MYO1E: variants seen among roughly 807,000 people sequenced by gnomAD.
The protein encoded by MYO1E is unconventional myosin-Ie.
Under a neutral mutation model 151.1 loss-of-function variants are expected in MYO1E, and 68 were observed. The observed-to-expected ratio is 0.45, with a 90% CI of 0.37 to 0.55. MYO1E has a LOEUF of 0.55. Ranked by LOEUF, MYO1E falls within the 20% of genes least tolerant of loss-of-function variation. The pLI, the probability that MYO1E is intolerant of heterozygous loss-of-function variation, is 0.00. For missense variants in MYO1E, 1,363 were observed against 1,389.3 expected (o/e 0.98, Z 0.30); for synonymous variants, 601 against 501.7 (o/e 1.20, Z -2.64).
At position 59,247,520 on chromosome 15, in the gene MYO1E, A is replaced by G. The variant is rs575106390; in HGVS notation, c.332+8764T>C. On this transcript the variant is annotated intron_variant, in intron 4 of 27. Transcript: ENST00000288235. ...TGCAGCTTCAAAAAACAATGCCAAC[A>G]GAGTGGTAAGGATTAAGAGACAACC... 1.1e-3 allele frequency among the ~76,000 whole-genome samples: 175 copies of G among 152,334 alleles called. 1 individual carries two copies. Among genetic ancestry groups the G allele is most frequent in the African/African-American group, 3.7e-3 (155 of 41,592 alleles).
At chr15:59,344,184 T>C (rs1001558117) in intron 1 of MYO1E, among the ~76,000 whole-genome samples, 1 of 152,230 alleles carries the variant, frequency 6.6e-6, no homozygotes, top group African/African-American at 2.4e-5. Flanking sequence ...AGGGACTTGG[T>C]TGTTATGATC....
chr15:59,207,649 T>C, intron 14 of MYO1E: 1 of 1,614,174 alleles, frequency 6.2e-7, no homozygotes, highest in Non-Finnish European at 8.5e-7. Context: ...CTGCCATGGA[T>C]GGATCCTCGG....
chr15:59,170,313 G>C (rs543641484), intron 22 of MYO1E, among the ~76,000 whole-genome samples: 79 of 152,358 alleles, frequency 5.2e-4, no homozygotes, highest in African/African-American at 1.8e-3. Flanking sequence ...TCTCGGCACA[G>C]CGACTACACA....
At position 59,186,417 on chromosome 15, in the gene MYO1E, C is replaced by G. The variant is rs115770559; in HGVS notation, c.1904+1701G>C. ...ACAATCTGAATTTTAAAAAAAAAAA[C>G]ATTATATCCAGCCCCTGCATAATAT... On this transcript the variant is annotated intron_variant, in intron 18 of 27. Coordinates refer to ENST00000288235, the MANE Select transcript of MYO1E (RefSeq NM_004998.4). Among the ~76,000 whole-genome samples the G allele has an allele frequency of 1.3e-3, 196 of 146,514 alleles. 2 individuals are homozygous for G. The highest frequency in any genetic ancestry group is 4.9e-3 in the African/African-American group (187 of 38,266).
At chr15:59,181,714 G>A (rs775846777) in intron 18 of MYO1E, among the ~76,000 whole-genome samples, 1 of 152,208 alleles carries the variant, frequency 6.6e-6, no homozygotes, top group Non-Finnish European at 1.5e-5. Flanking sequence ...CTATGCTCTG[G>A]GTAGTCTGTG....
At chr15:59,170,444 C>G (rs1413064875) in intron 22 of MYO1E, among the ~76,000 whole-genome samples, 1 of 152,208 alleles carries the variant, frequency 6.6e-6, no homozygotes, top group Non-Finnish European at 1.5e-5. Flanking sequence ...CAGGAGCTTC[C>G]TGTTGGGTTT....
intron 1 of MYO1E, among the ~76,000 whole-genome samples, chr15:59,339,553 C>A (rs1230883013): frequency 6.6e-6 from 1 of 152,190 alleles, no homozygotes; most frequent in African/African-American, 2.4e-5. Flanking sequence ...AAAAGGGCAG[C>A]TCTGGGCATG....
chr15:59,211,266 G>C (rs1474425593), intron 12 of MYO1E, among the ~76,000 whole-genome samples: 1 of 151,776 alleles, frequency 6.6e-6, no homozygotes, highest in Non-Finnish European at 1.5e-5. Flanking sequence ...TTAATGGGAA[G>C]GTTCTTCAGT....
In MYO1E at chr15:59,193,533, G is replaced by C. The variant is rs185178936; in HGVS notation, c.1805+1928C>G. ...ACCTCCAAGAGAAGGGCTAAGATGG[G>C]GAATGCTTATATTTCATGTCCTAGA... On this transcript the variant is annotated intron_variant, in intron 17 of 27. Transcript: ENST00000288235. Among the ~76,000 whole-genome samples, 545 of 152,284 alleles carry C rather than the reference G, an allele frequency of 3.6e-3. 4 individuals are homozygous for C. The highest frequency in any genetic ancestry group is 0.013 in the African/African-American group (524 of 41,552).
intron 4 of MYO1E, among the ~76,000 whole-genome samples, chr15:59,238,290 A>T (rs1185282435): frequency 6.6e-6 from 1 of 152,258 alleles, no homozygotes. Context: ...CGGTTTGGCA[A>T]CAATGAAACT....
intron 1 of MYO1E, among the ~76,000 whole-genome samples, chr15:59,307,355 A>G (rs571730181): frequency 2.6e-5 from 4 of 152,292 alleles, no homozygotes; most frequent in African/African-American, 9.6e-5. Flanking sequence ...GTCGTTTTCT[A>G]TTGGAAGGAG....
intron 14 of MYO1E, among the ~76,000 whole-genome samples, chr15:59,205,794 C>A (rs549565298): frequency 6.6e-6 from 1 of 152,310 alleles, no homozygotes; most frequent in East Asian, 1.9e-4. Flanking sequence ...AGTCCCCATA[C>A]CCCTTCTTCA....
intron 1 of MYO1E, among the ~76,000 whole-genome samples, chr15:59,348,082 A>C (rs1416640748): frequency 6.6e-6 from 1 of 152,110 alleles, no homozygotes; most frequent in East Asian, 1.9e-4. Context: ...TCACCTCCTC[A>C]GGTGGTTTTG....
chr15:59,261,441 T>A lies in MYO1E; in HGVS notation c.216A>T (p.Glu72Asp). ...TTACCGCTCCTTGGTACATTTCAAT[T>A]TCCTTTTCCCCAAAATATGGCATCT... ...FKQMPYFGEK[E>D]IEMYQGAAQY... The change falls in exon 3 of 28, where the codon GAA becomes GAT. Residue 72 changes from glutamate to aspartate, a missense_variant. Physicochemically the swap from Glu to Asp is conservative, Grantham distance 45 (BLOSUM62 2). Coordinates refer to ENST00000288235, the MANE Select transcript of MYO1E (RefSeq NM_004998.4). 2 of 1,610,072 alleles carry A rather than the reference T, an allele frequency of 1.2e-6. No homozygotes were observed. Among genetic ancestry groups the A allele is most frequent in the Non-Finnish European group, 1.7e-6 (2 of 1,176,508 alleles).
chr15:59,278,707 AGT>A (rs1197537797), intron 1 of MYO1E, among the ~76,000 whole-genome samples: 1 of 152,176 alleles, frequency 6.6e-6, no homozygotes, highest in Non-Finnish European at 1.5e-5. Context: ...ATGAGGAAAA[AGT>A]GTTCCTGAAA....
intron 4 of MYO1E, among the ~76,000 whole-genome samples, chr15:59,237,412 T>C (rs1257443958): frequency 1.3e-5 from 2 of 152,172 alleles, no homozygotes; most frequent in African/African-American, 4.8e-5. Context: ...GAGCCTTTTG[T>C]TAATAATATA....
At chr15:59,254,382 G>T (rs975175727) in intron 4 of MYO1E, among the ~76,000 whole-genome samples, 5 of 152,104 alleles carry the variant, frequency 3.3e-5, no homozygotes, top group African/African-American at 1.2e-4. Context: ...TGGAGACAGG[G>T]TTTGCTATGT....
At chr15:59,335,915 G>T (rs1346398667) in intron 1 of MYO1E, among the ~76,000 whole-genome samples, 1 of 151,874 alleles carries the variant, frequency 6.6e-6, no homozygotes, top group Non-Finnish European at 1.5e-5. Flanking sequence ...TTGTTCTGAT[G>T]CCTTTCCAAT....
intron 1 of MYO1E, among the ~76,000 whole-genome samples, chr15:59,314,065 T>C (rs2080570117): frequency 6.6e-6 from 1 of 152,206 alleles, no homozygotes; most frequent in Non-Finnish European, 1.5e-5. Context: ...ATGGCCGGTG[T>C]TGCTTTTCTT....
Sources: gnomAD v4.1 joint callset for allele counts (sites outside exome capture counted in the v4.1 genomes callset) on GRCh38, gnomAD v4.1.1 for gene constraint, MANE v1.5 for transcripts, NCBI Gene and HGNC (gene_info 2026-07-23, HGNC 2026-07-21) for gene names.